Variants in RAP1GAP2 observed in about 807,000 individuals in gnomAD.
RAP1GAP2 encodes RAP1 GTPase activating protein 2.
RAP1GAP2 carries 27 observed loss-of-function variants against 95.0 expected under a neutral mutation model. The observed-to-expected ratio is 0.28, with a 90% CI of 0.21 to 0.39. The LOEUF is 0.39. Ranked by LOEUF, RAP1GAP2 falls within the 10% of genes least tolerant of loss-of-function variation. The pLI, the probability that RAP1GAP2 is intolerant of heterozygous loss-of-function variation, is 1.00. For missense variants in RAP1GAP2, 771 were observed against 970.0 expected, an observed-to-expected ratio of 0.79 and a Z score of 2.72; for synonymous variants, 373 against 380.9, an observed-to-expected ratio of 0.98 and a Z score of 0.24.
intron 2 of RAP1GAP2, among the ~76,000 whole-genome samples, chr17:2,856,466 G>A (rs2072141652): frequency 6.6e-6 from 1 of 152,206 alleles, no homozygotes; most frequent in African/African-American, 2.4e-5. Flanking sequence ...TAAAGGTAAC[G>A]GGGGTTTGAT....
Position 2,903,381 on chromosome 17 carries a change from C to G in RAP1GAP2, c.81-1903C>G, listed in dbSNP as rs1306955980. 6.6e-6 allele frequency among the ~76,000 whole-genome samples: 1 copy of G among 152,214 alleles called. No homozygotes were observed. Among genetic ancestry groups the G allele is most frequent in the Non-Finnish European group, 1.5e-5 (1 of 68,034 alleles). On this transcript the variant is annotated intron_variant, in intron 2 of 24. Transcript: ENST00000254695. The surrounding 1 kb of genome is among the most constrained non-coding windows in gnomAD (Gnocchi z 4.1). Reference sequence around the variant, plus strand: ...GTTGTGCACACAGGCAGGTGAGTGTCTGGCAGAGCAGCCAGACTGGAGCCT... The same window carrying G: ...GTTGTGCACACAGGCAGGTGAGTGTGTGGCAGAGCAGCCAGACTGGAGCCT...
chr17:2,878,337 G>A (rs2073163646), intron 2 of RAP1GAP2, among the ~76,000 whole-genome samples: 1 of 152,156 alleles, frequency 6.6e-6, no homozygotes. Context: ...CCGGGGATGT[G>A]GCATCTGGAG....
intron 3 of RAP1GAP2, among the ~76,000 whole-genome samples, chr17:2,955,131 G>A (rs1435391058): frequency 6.6e-6 from 1 of 152,174 alleles, no homozygotes; most frequent in Non-Finnish European, 1.5e-5. Context: ...CAATTCTTTT[G>A]TGTATATTCC....
At position 2,889,394 on chromosome 17, in the gene RAP1GAP2, C is replaced by T. The variant is rs577569198; in HGVS notation, c.81-15890C>T. On this transcript the variant is annotated intron_variant, in intron 2 of 24. Transcript: ENST00000254695. ...CTGGGGCAGGCCAGTGGTCAGGGTGCGTGTTAGAGCCCAGCCAGAGGCCTC... is the reference window on the plus strand; with the variant it reads ...CTGGGGCAGGCCAGTGGTCAGGGTGTGTGTTAGAGCCCAGCCAGAGGCCTC... 9.9e-5 allele frequency among the ~76,000 whole-genome samples: 15 copies of T among 152,198 alleles called. No homozygotes were observed. The South Asian group carries it at 1.0e-3, about 11-fold the overall frequency.
At chr17:3,019,583 A>G (rs1272918844) in intron 18 of RAP1GAP2, among the ~76,000 whole-genome samples, 1 of 152,214 alleles carries the variant, frequency 6.6e-6, no homozygotes, top group African/African-American at 2.4e-5. Context: ...CTTTTCCTTC[A>G]AAATAGCAGA....
At position 2,905,376 on chromosome 17, in the gene RAP1GAP2, G is replaced by C. The variant is rs201968332; in HGVS notation, c.165+8G>C. The C allele has an allele frequency of 1.2e-4, 199 of 1,612,918 alleles. No individual in the cohort carries two copies. In the African/African-American group the frequency reaches 2.5e-3, roughly 20 times the overall value. On this transcript the variant is annotated splice_region_variant and intron_variant, in intron 3 of 24. Transcript: ENST00000254695. ...GCACCTCCCACCATGAAGGTAAGAG[G>C]CTTCGATTCAGGAAGGCAGGGAGGG... is the stretch of plus-strand genomic sequence containing the variant.
chr17:2,883,790 T>A (rs1188155587), intron 2 of RAP1GAP2, among the ~76,000 whole-genome samples: 1 of 152,104 alleles, frequency 6.6e-6, no homozygotes, highest in Non-Finnish European at 1.5e-5. Flanking sequence ...CCTCATGGCC[T>A]GGGGCCTCGC....
rs182320439 is a variant in RAP1GAP2, at chr17:2,867,867, G to A, written c.81-37417G>A. The stretch of plus-strand genomic sequence containing the variant: ...TGCAGCTGCTGGTACCCTCCCAGAC[G>A]CAAGGAGGCTTCCTTCTGCCTTGGC... On this transcript the variant is annotated intron_variant, in intron 2 of 24. Transcript: ENST00000254695. This position sits in a 1 kb window ranked among gnomAD's most constrained non-coding sequence, Gnocchi z 4.5. Among the ~76,000 whole-genome samples the A allele has an allele frequency of 5.1e-4, 78 of 152,260 alleles. No individual in the cohort carries two copies. The highest frequency in any genetic ancestry group is 8.4e-4 in the Non-Finnish European group (57 of 68,016).
chr17:2,995,479 G>T lies in RAP1GAP2; in HGVS notation c.1044+13G>T. ...AGACGCCCAGCAGGTAACCTGGTTT[G>T]GGAGGGCTTTGGGAGCCCAGGGCGG... On this transcript the variant is annotated intron_variant, in intron 13 of 24. Coordinates refer to ENST00000254695, the MANE Select transcript of RAP1GAP2 (RefSeq NM_015085.5). 6.2e-7 allele frequency: 1 copy of T among 1,613,372 alleles called. No individual in the cohort carries two copies. The highest frequency in any genetic ancestry group is 1.1e-5 in the South Asian group (1 of 91,068).
At chr17:2,961,599 C>A (rs1037096241) in intron 4 of RAP1GAP2, among the ~76,000 whole-genome samples, 1 of 152,254 alleles carries the variant, frequency 6.6e-6, no homozygotes, top group Admixed American at 6.5e-5. Context: ...TGTAGATAAA[C>A]TCCCTTAGTC....
chr17:2,920,766 G>A (rs2042736228), intron 3 of RAP1GAP2, among the ~76,000 whole-genome samples: 1 of 152,198 alleles, frequency 6.6e-6, no homozygotes, highest in Non-Finnish European at 1.5e-5. Flanking sequence ...GCATAGGGTG[G>A]TTTCATTGAT....
chr17:2,996,648 G>A (rs2045969118), intron 13 of RAP1GAP2, among the ~76,000 whole-genome samples: 1 of 152,250 alleles, frequency 6.6e-6, no homozygotes, highest in Admixed American at 6.5e-5. Flanking sequence ...CTCACCTGCT[G>A]CCCCGGCCTG....
At chr17:2,999,886 T>C (rs1386351865) in intron 14 of RAP1GAP2, among the ~76,000 whole-genome samples, 1 of 152,112 alleles carries the variant, frequency 6.6e-6, no homozygotes, top group Non-Finnish European at 1.5e-5. Flanking sequence ...CCCAGGCTCA[T>C]GTGTCCCTGC....
chr17:2,775,282 C>G (rs1027246382), upstream of RAP1GAP2, among the ~76,000 whole-genome samples: 1 of 152,026 alleles, frequency 6.6e-6, no homozygotes, highest in Non-Finnish European at 1.5e-5. Flanking sequence ...AACATGTAAA[C>G]GCAGAGACAA....
In RAP1GAP2 at chr17:2,894,652, C is replaced by A. The variant is rs374124762; in HGVS notation, c.81-10632C>A. On this transcript the variant is annotated intron_variant, in intron 2 of 24. Transcript: ENST00000254695. The stretch of plus-strand genomic sequence containing the variant: ...CATCTGCCTCTCGCAAAGCGACTCT[C>A]CTCCTCCGTCTGTATCACGGCTGAA... 2.9e-4 allele frequency among the ~76,000 whole-genome samples: 44 copies of A among 152,288 alleles called. No homozygotes were observed. In the East Asian group the frequency reaches 8.5e-3, roughly 29 times the overall value.
At chr17:2,921,038 C>T (rs116699912) in intron 3 of RAP1GAP2, among the ~76,000 whole-genome samples, 17,713 of 152,150 alleles carry the variant, frequency 0.12, 1,428 homozygotes, top group Middle Eastern at 0.2. Flanking sequence ...GTGCCCCTCC[C>T]GCTGGCTTCT....
chr17:2,882,055 C>T (rs1315888375), intron 2 of RAP1GAP2, among the ~76,000 whole-genome samples: 1 of 150,172 alleles, frequency 6.7e-6, no homozygotes, highest in Non-Finnish European at 1.5e-5. Flanking sequence ...CTCCTGACCT[C>T]GTGATCCACT....
intron 2 of RAP1GAP2, among the ~76,000 whole-genome samples, chr17:2,820,349 G>A (rs1197887909): frequency 6.6e-6 from 1 of 152,032 alleles, no homozygotes; most frequent in Non-Finnish European, 1.5e-5. Context: ...GGCTGGGCGC[G>A]GTGGCTCACG....
At chr17:2,776,492 G>T (rs1040581640), upstream of RAP1GAP2, among the ~76,000 whole-genome samples, 2 of 152,054 alleles carry the variant, frequency 1.3e-5, no homozygotes, top group African/African-American at 4.8e-5. Context: ...GCCTTGGGCA[G>T]CCCCCAGGGA....
Sources: gnomAD v4.1 joint callset for allele counts (sites outside exome capture counted in the v4.1 genomes callset) on GRCh38, gnomAD v4.1.1 for gene constraint, Gnocchi (gnomAD v3.1) non-coding constraint, MANE v1.5 for transcripts, NCBI Gene and HGNC (gene_info 2026-07-23, HGNC 2026-07-21) for gene names.